Variants in PIN4 observed in about 807,000 individuals in gnomAD.
The protein encoded by PIN4 is peptidylprolyl cis/trans isomerase, NIMA-interacting 4.
PIN4 carries 3 observed loss-of-function variants against 8.3 expected under a neutral mutation model. The ratio of observed to expected loss-of-function variants is 0.36; its 90% confidence interval spans 0.16 to 0.93. The LOEUF (loss-of-function observed/expected upper bound fraction) is 0.93. Ranked by LOEUF, PIN4 falls within the 40% of genes least tolerant of loss-of-function variation. PIN4 has a pLI of 0.44. For synonymous variants in PIN4, 18 were observed against 32.5 expected, an observed-to-expected ratio of 0.55 and a Z score of 1.52; for missense variants, 75 against 100.6, an observed-to-expected ratio of 0.75 and a Z score of 1.09.
At chrX:72,182,172 C>T (rs2042676828) in intron 1 of PIN4, among the ~76,000 whole-genome samples, 1 of 112,450 alleles carries the variant, frequency 8.9e-6, no homozygotes, top group Non-Finnish European at 1.9e-5. Context: ...AATGACATGC[C>T]CACCATCGGG....
intron 3 of PIN4, among the ~76,000 whole-genome samples, chrX:72,251,138 A>T (rs1332119412): frequency 9.5e-6 from 1 of 104,854 alleles, no homozygotes; most frequent in Admixed American, 1.0e-4. Context: ...CGGGCGGATC[A>T]CAAGGTCAGG....
At position 72,196,805 on chromosome X, in the gene PIN4, A is replaced by G. The variant is rs1208971104; in HGVS notation, c.138A>G (p.Glu46=). 8.3e-7 allele frequency: 1 copy of G among 1,201,632 alleles called. No homozygotes were observed. The change falls in exon 3 of 4, where the codon GAA becomes GAG. Residue 46 remains glutamate, a synonymous_variant. Transcript: ENST00000373669. ...NAVKVRHILC[E]KHGKIMEAME... ...TGCAGGTCAGACACATTCTATGTGA[A>G]AAACATGGCAAAATCATGGAAGCCA...
intron 3 of PIN4, among the ~76,000 whole-genome samples, chrX:72,233,325 T>C (rs955760665): frequency 9.0e-6 from 1 of 111,636 alleles, no homozygotes; most frequent in Non-Finnish European, 1.9e-5. Flanking sequence ...ATCATTGTCA[T>C]AGAAATAAAA....
rs199637768 is a variant in PIN4 at position 72,218,496 on chromosome X, T to TC, written c.312+21592_312+21593insC. 5.5e-3 allele frequency among the ~76,000 whole-genome samples: 445 copies of TC among 80,339 alleles called. 2 individuals are homozygous for TC. The highest frequency in any genetic ancestry group is 0.023 in the African/African-American group (411 of 17,581). The allele number at this position is 80,339 out of a possible 115,157, so 69.8% of individuals were successfully genotyped here. A position where few individuals can be genotyped will look rare whatever the true frequency, so the allele number is the denominator to read the frequency against. On this transcript the variant is annotated intron_variant, in intron 3 of 3. Coordinates refer to the PIN4 transcript ENST00000423432. ...ATAATAGTTTGTCAATTTCTTTCTCTTTTTTTTTTTTTTGGAAACAAGAGT... is the reference window on the plus strand; with the variant it reads ...ATAATAGTTTGTCAATTTCTTTCTCTCTTTTTTTTTTTTTGGAAACAAGAGT...
chrX:72,263,579 A>G (rs918784732), exon 4 of PIN4: 1 of 112,268 alleles, frequency 8.9e-6, no homozygotes, highest in African/African-American at 3.2e-5. Flanking sequence ...TTGCAAGGAC[A>G]GCCCAAAGAA....
At chrX:72,197,312 T>C (rs910848258) in intron 3 of PIN4, 56 bp from the exon 4 acceptor site, 1 of 1,094,790 alleles carries the variant, frequency 9.1e-7, no homozygotes, top group African/African-American at 1.8e-5. Flanking sequence ...CAAGCTACAG[T>C]AGAACTGTTC....
downstream of PIN4, among the ~76,000 whole-genome samples, chrX:72,199,234 A>G (rs746462826): frequency 8.9e-6 from 1 of 111,946 alleles, no homozygotes; most frequent in South Asian, 3.7e-4. Flanking sequence ...TGAAAACTAC[A>G]TTAAAAACAA....
chrX:72,240,240 A>G (rs2043043539), intron 3 of PIN4, among the ~76,000 whole-genome samples: 1 of 112,260 alleles, frequency 8.9e-6, no homozygotes, highest in Admixed American at 9.5e-5. Context: ...AGATACAGTC[A>G]TTTTCAAATG....
At chrX:72,205,082 T>C (rs1214403206) in intron 3 of PIN4, 1 of 1,211,088 alleles carries the variant, frequency 8.3e-7, no homozygotes, top group Non-Finnish European at 1.1e-6. Flanking sequence ...GCACTTTTTA[T>C]GTCAAGCGCT....
intron 3 of PIN4, among the ~76,000 whole-genome samples, chrX:72,248,706 G>C (rs1436522150): frequency 2.7e-5 from 3 of 111,414 alleles, no homozygotes; most frequent in East Asian, 5.6e-4. Context: ...GTGAAACCCT[G>C]TCTCTACTAA....
chrX:72,202,770 C>T (rs1286258712), downstream of PIN4, among the ~76,000 whole-genome samples: 3 of 111,880 alleles, frequency 2.7e-5, no homozygotes, highest in African/African-American at 9.8e-5. Flanking sequence ...TTCTTTTGAA[C>T]TTCTGTAATC....
intron 3 of PIN4, among the ~76,000 whole-genome samples, chrX:72,261,656 T>C (rs921715256): frequency 8.9e-6 from 1 of 112,524 alleles, no homozygotes; most frequent in Non-Finnish European, 1.9e-5. Context: ...CTAAGCACTT[T>C]AATCACTTGC....
At chrX:72,195,560 T>C (rs1029413633) in intron 2 of PIN4, among the ~76,000 whole-genome samples, 1 of 110,510 alleles carries the variant, frequency 9.0e-6, no homozygotes, top group African/African-American at 3.3e-5. Context: ...GAGAATTGCT[T>C]GAACCCGTGG....
At position 72,219,410 on chromosome X, in the gene PIN4, C is replaced by T. The variant is rs780957029; in HGVS notation, c.312+22506C>T. 2.0e-3 allele frequency among the ~76,000 whole-genome samples: 213 copies of T among 105,158 alleles called. 1 individual carries two copies. The highest frequency in any genetic ancestry group is 2.5e-3 in the Non-Finnish European group (127 of 51,469). The allele number at this position is 105,158 out of a possible 115,157, so 91.3% of individuals were successfully genotyped here. The stretch of plus-strand genomic sequence containing the variant: ...CTCTACTAAAAATACAAAAATTAGC[C>T]GGGCGTGGTGGCCTGCGCCTGAAAT... On this transcript the variant is annotated intron_variant, in intron 3 of 3. Coordinates refer to the PIN4 transcript ENST00000423432.
In PIN4 at chrX:72,196,848, G is replaced by A. The variant is rs2042768901; in HGVS notation, c.181G>A (p.Gly61Arg). ...GGAAGCCATGGAAAAGTTAAAGTCT[G>A]GGATGAGATTCAATGAAGTGGCCGC... Reference protein sequence around the residue: ...IMEAMEKLKSGMRFNEVAAQY... With the variant: ...IMEAMEKLKSRMRFNEVAAQY... The change falls in exon 3 of 4, where the codon GGG becomes AGG. Residue 61 changes from glycine (G) to arginine (R), a missense_variant. Transcript: ENST00000373669. 2 of 1,201,446 alleles carry A rather than the reference G, an allele frequency of 1.7e-6. No individual in the cohort carries two copies. The highest frequency in any genetic ancestry group is 1.1e-6 in the Non-Finnish European group (1 of 889,052).
At chrX:72,262,359 C>T (rs954490814) in intron 3 of PIN4, among the ~76,000 whole-genome samples, 1 of 112,389 alleles carries the variant, frequency 8.9e-6, no homozygotes, top group African/African-American at 3.2e-5. Flanking sequence ...CAAACCTCTT[C>T]AAAGCCAAAA....
chrX:72,206,192 C>T, intron 3 of PIN4: 1 of 1,211,694 alleles, frequency 8.3e-7, no homozygotes, highest in Non-Finnish European at 1.1e-6. Flanking sequence ...AGAGGATCCT[C>T]TTGCAGTGCC....
chrX:72,226,674 G>A (rs1319627129), intron 3 of PIN4, among the ~76,000 whole-genome samples: 1 of 108,507 alleles, frequency 9.2e-6, no homozygotes, highest in East Asian at 2.8e-4. Flanking sequence ...GTGAGGCTGA[G>A]TATTGGGCAA....
chrX:72,229,852 C>T (rs1156942275), intron 3 of PIN4, among the ~76,000 whole-genome samples: 6 of 111,788 alleles, frequency 5.4e-5, no homozygotes, highest in Non-Finnish European at 9.4e-5. Context: ...GCTGTTTCAA[C>T]AGAACTACAG....
Sources: allele counts gnomAD v4.1 joint callset (sites outside exome capture counted in the v4.1 genomes callset), GRCh38; gene constraint gnomAD v4.1.1; transcripts MANE v1.5; gene names NCBI Gene and HGNC (gene_info 2026-07-23, HGNC 2026-07-21).